Variants in CDKN2B-AS1 observed in about 807,000 individuals in gnomAD.
The protein encoded by CDKN2B-AS1 is CDKN2B and CDKN2A antisense cis and trans regulatory RNA 1, also known as CDKN2B antisense RNA 1 (non-protein coding).
intron 4 of CDKN2B-AS1, among the ~76,000 whole-genome samples, chr9:22,096,813 C>T (rs944558386): frequency 3.9e-5 from 6 of 152,136 alleles, no homozygotes; most frequent in African/African-American, 1.4e-4. Context: ...TCCCCTCCTC[C>T]ACCTGGCCTT....
Position 21,996,659 on chromosome 9 carries a change from C to T in CDKN2B-AS1, n.29+1498C>T, listed in dbSNP as rs575709052. Among the ~76,000 whole-genome samples, 2 of 152,300 alleles carry T rather than the reference C, an allele frequency of 1.3e-5. No homozygotes were observed. Among genetic ancestry groups the T allele is most frequent in the African/African-American group, 4.8e-5 (2 of 41,552 alleles). On this transcript the variant is annotated intron_variant and non_coding_transcript_variant, in intron 1 of 4. Coordinates refer to ENST00000650946, the Ensembl canonical transcript of CDKN2B-AS1. This position sits in a 1 kb window ranked among gnomAD's most constrained non-coding sequence, Gnocchi z 5.4. ...TCTTCCTCTGCACCTATGCCACGCC[C>T]CCAGCATTCCCCTCCTACCACCACC...
intron 1 of CDKN2B-AS1, among the ~76,000 whole-genome samples, chr9:22,014,988 T>A (rs1821676772): frequency 1.3e-5 from 2 of 152,108 alleles, no homozygotes; most frequent in Admixed American, 1.3e-4. Context: ...ATATGCCACA[T>A]TTTCTTAATC....
chr9:22,092,248 A>G (rs1314329386), intron 4 of CDKN2B-AS1: 1 of 152,068 alleles, frequency 6.6e-6, no homozygotes. Flanking sequence ...AGATTTTTGC[A>G]TCGATGTTCG....
intron 2 of CDKN2B-AS1, among the ~76,000 whole-genome samples, chr9:22,047,067 A>G (rs894387171): frequency 1.3e-5 from 2 of 152,152 alleles, no homozygotes; most frequent in African/African-American, 4.8e-5. Flanking sequence ...AGTAGTAATA[A>G]AGATTAAATC....
At chr9:22,004,391 T>C (rs990200365) in intron 1 of CDKN2B-AS1, 3 of 232,192 alleles carry the variant, frequency 1.3e-5, no homozygotes, top group African/African-American at 6.6e-5. Flanking sequence ...ATACACTTTG[T>C]GTTTAATTTT....
chr9:22,085,810 C>T (rs1251377200), intron 4 of CDKN2B-AS1, among the ~76,000 whole-genome samples: 1 of 151,672 alleles, frequency 6.6e-6, no homozygotes, highest in African/African-American at 2.4e-5. Context: ...TTTCTCTGAC[C>T]ATGTCTAGAC....
intron 1 of CDKN2B-AS1, among the ~76,000 whole-genome samples, chr9:22,038,419 T>A (rs1223213759): frequency 6.6e-6 from 1 of 152,010 alleles, no homozygotes; most frequent in Non-Finnish European, 1.5e-5. Context: ...ATTTGATAAA[T>A]CTGTTCAAGA....
At chr9:22,111,625 AAGAC>A (rs1220666304) in intron 4 of CDKN2B-AS1, among the ~76,000 whole-genome samples, 6 of 152,194 alleles carry the variant, frequency 3.9e-5, no homozygotes, top group Non-Finnish European at 5.9e-5. Context: ...TAGAAATAGA[AAGAC>A]AGGTTTTTAC....
At chr9:22,008,665 G>A in intron 1 of CDKN2B-AS1, 3 of 1,606,098 alleles carry the variant, frequency 1.9e-6, no homozygotes, top group Admixed American at 3.3e-5. Context: ...TTTACGCGTG[G>A]AATGCACACC....
intron 1 of CDKN2B-AS1, among the ~76,000 whole-genome samples, chr9:22,002,119 A>C (rs577477178): frequency 6.6e-6 from 1 of 152,064 alleles, no homozygotes; most frequent in Non-Finnish European, 1.5e-5. Context: ...TTATTCTCCA[A>C]GTTTTCATCA....
intron 4 of CDKN2B-AS1, among the ~76,000 whole-genome samples, chr9:22,113,233 C>G (rs551037282): frequency 6.6e-6 from 1 of 152,298 alleles, no homozygotes; most frequent in South Asian, 2.1e-4. Context: ...CCCTTTTAAA[C>G]TCTCAGGCTG....
At chr9:22,127,880 A>G (rs1889086) in exon 5 of CDKN2B-AS1, among the ~76,000 whole-genome samples, 63,764 of 151,858 alleles carry the variant, frequency 0.42, 14,879 homozygotes, top group African/African-American at 0.64. Flanking sequence ...TTCTCAATGT[A>G]AGAAAAGTAG....
At chr9:22,031,987 T>C (rs1455391720) in intron 1 of CDKN2B-AS1, among the ~76,000 whole-genome samples, 1 of 152,164 alleles carries the variant, frequency 6.6e-6, no homozygotes, top group Non-Finnish European at 1.5e-5. Flanking sequence ...AAGAAATGAA[T>C]CTTACCAACA....
intron 4 of CDKN2B-AS1, among the ~76,000 whole-genome samples, chr9:22,089,874 C>T (rs573154000): frequency 2.7e-4 from 41 of 152,168 alleles, no homozygotes; most frequent in South Asian, 6.2e-4. Context: ...ATGTGCACAA[C>T]GTGCAGGTTT....
chr9:22,010,120 A>T (rs1821424086), intron 1 of CDKN2B-AS1, among the ~76,000 whole-genome samples: 1 of 152,204 alleles, frequency 6.6e-6, no homozygotes, highest in Non-Finnish European at 1.5e-5. Context: ...TGAGTAATAA[A>T]GGAAATTTAT....
chr9:22,012,231 T>G, intron 1 of CDKN2B-AS1: 18 of 1,414,808 alleles, frequency 1.3e-5, no homozygotes, highest in Non-Finnish European at 1.8e-5. Context: ...ATTGAGAATG[T>G]CAGTGCGAAA....
chr9:22,109,630 G>C (rs939639898), intron 4 of CDKN2B-AS1, among the ~76,000 whole-genome samples: 1 of 152,116 alleles, frequency 6.6e-6, no homozygotes, highest in Non-Finnish European at 1.5e-5. Context: ...TGGTGATGGA[G>C]GTAAGAGTGT....
rs1025975881 is a variant in CDKN2B-AS1, at chr9:22,049,433, C to T, written n.302+205C>T. 3.9e-5 allele frequency among the ~76,000 whole-genome samples: 6 copies of T among 152,124 alleles called. No individual in the cohort carries two copies. In the South Asian group the frequency reaches 8.3e-4, roughly 21 times the overall value. On this transcript the variant is annotated intron_variant and non_coding_transcript_variant, in intron 3 of 4. Coordinates refer to ENST00000650946, the Ensembl canonical transcript of CDKN2B-AS1. ...AGCCCTTTAAATCTGGGTATAAGTC[C>T]GAAAGGTGCTTTCCTTGTGAAGCTT...
At chr9:22,075,467 T>C (rs1191463570) in intron 4 of CDKN2B-AS1, among the ~76,000 whole-genome samples, 2 of 152,198 alleles carry the variant, frequency 1.3e-5, no homozygotes, top group African/African-American at 4.8e-5. Context: ...AAATAAAGTC[T>C]TAACTGGGCT....
Sources: allele counts gnomAD v4.1 joint callset (sites outside exome capture counted in the v4.1 genomes callset), GRCh38; gene constraint gnomAD v4.1.1; non-coding constraint Gnocchi (gnomAD v3.1); transcripts MANE v1.5; gene names NCBI Gene and HGNC (gene_info 2026-07-23, HGNC 2026-07-21).